The following NKAIN3 variants were observed in gnomAD, a reference collection of about 807,000 sequenced individuals.
NKAIN3 encodes the protein sodium/potassium transporting ATPase interacting 3.
NKAIN3 carries 25 observed loss-of-function variants against 30.2 expected under a neutral mutation model. That is an observed-to-expected ratio of 0.83 (90% CI 0.60 to 1.16). The LOEUF (loss-of-function observed/expected upper bound fraction) is 1.16, where lower values mean the gene tolerates loss of function less well. Ranked by LOEUF, NKAIN3 falls within the 50% of genes most tolerant of loss-of-function variation. NKAIN3 has a pLI of 0.00. For synonymous variants in NKAIN3, 91 were observed against 89.6 expected (o/e 1.02, Z -0.09); for missense variants, 225 against 254.1 (o/e 0.89, Z 0.78).
chr8:62,298,597 C>T (rs976263879), intron 1 of NKAIN3, among the ~76,000 whole-genome samples: 2 of 152,098 alleles, frequency 1.3e-5, no homozygotes, highest in Non-Finnish European at 2.9e-5. Flanking sequence ...TCCTAAGTCC[C>T]ATGTTCTTTC....
At chr8:62,856,471 G>A in intron 4 of NKAIN3, 1 of 784,690 alleles carries the variant, frequency 1.3e-6, no homozygotes. Context: ...AAAGCCCCCA[G>A]GTTTCTTCAG....
intron 1 of NKAIN3, among the ~76,000 whole-genome samples, chr8:62,275,576 C>T (rs1463019190): frequency 6.6e-6 from 1 of 151,954 alleles, no homozygotes; most frequent in Non-Finnish European, 1.5e-5. Flanking sequence ...GTTTAAAGAC[C>T]AGCTTTTATG....
chr8:62,253,094 G>A (rs922001817), intron 1 of NKAIN3, among the ~76,000 whole-genome samples: 2 of 152,158 alleles, frequency 1.3e-5, no homozygotes. Flanking sequence ...GTCTCAGGAT[G>A]TTATTATTAC....
At chr8:62,262,347 A>G (rs796610464) in intron 1 of NKAIN3, among the ~76,000 whole-genome samples, 1 of 152,290 alleles carries the variant, frequency 6.6e-6, no homozygotes, top group African/African-American at 2.4e-5. Context: ...CAGTTTTTGC[A>G]TGCTCTATTT....
chr8:62,878,506 G>GTTT (rs913962485), intron 4 of NKAIN3, among the ~76,000 whole-genome samples: 4 of 151,384 alleles, frequency 2.6e-5, no homozygotes, highest in East Asian at 1.9e-4. Flanking sequence ...CTGTTGTTGT[G>GTTT]TTTTTATTAT....
At chr8:62,870,681 C>CTA (rs1440446856) in intron 4 of NKAIN3, among the ~76,000 whole-genome samples, 4 of 113,346 alleles carry the variant, frequency 3.5e-5, no homozygotes, top group Non-Finnish European at 5.4e-5. Context: ...ATCTATATAT[C>CTA]TATATCTCTC....
At chr8:62,955,542 A>G (rs1199116046) in intron 6 of NKAIN3, among the ~76,000 whole-genome samples, 1 of 152,206 alleles carries the variant, frequency 6.6e-6, no homozygotes, top group Admixed American at 6.5e-5. Flanking sequence ...TGTGAAAAAA[A>G]AAACTCAGCA....
chr8:62,453,080 T>A (rs551974457), intron 1 of NKAIN3, among the ~76,000 whole-genome samples: 2 of 152,242 alleles, frequency 1.3e-5, no homozygotes, highest in Non-Finnish European at 2.9e-5. Context: ...TTTGTTTTAC[T>A]TGTAGTCTTT....
At chr8:62,596,404 T>C (rs535151713) in intron 3 of NKAIN3, among the ~76,000 whole-genome samples, 1 of 152,168 alleles carries the variant, frequency 6.6e-6, no homozygotes, top group Non-Finnish European at 1.5e-5. Flanking sequence ...CTGGTGACCC[T>C]GGCAGTGTAA....
chr8:62,797,072 G>A (rs1817885981), intron 4 of NKAIN3, among the ~76,000 whole-genome samples: 3 of 152,210 alleles, frequency 2.0e-5, no homozygotes. Context: ...TGTTTCTTCT[G>A]TATGTGACTT....
chr8:62,397,089 G>A (rs1473223584), intron 1 of NKAIN3, among the ~76,000 whole-genome samples: 1 of 152,136 alleles, frequency 6.6e-6, no homozygotes, highest in African/African-American at 2.4e-5. Flanking sequence ...CACAAAAGTG[G>A]TGTGTCTGTT....
chr8:62,569,212 G>A (rs941081719), intron 1 of NKAIN3, among the ~76,000 whole-genome samples: 8 of 152,136 alleles, frequency 5.3e-5, no homozygotes, highest in Non-Finnish European at 8.8e-5. Flanking sequence ...CAAGTCTCCA[G>A]GTTATTAGGA....
chr8:62,484,464 C>A (rs753240941), intron 1 of NKAIN3, among the ~76,000 whole-genome samples: 1 of 151,950 alleles, frequency 6.6e-6, no homozygotes, highest in Non-Finnish European at 1.5e-5. Context: ...GGGGCCTGTG[C>A]AGATCTTGGT....
At chr8:62,611,219 C>T (rs1336239466) in intron 3 of NKAIN3, among the ~76,000 whole-genome samples, 1 of 151,844 alleles carries the variant, frequency 6.6e-6, no homozygotes, top group Non-Finnish European at 1.5e-5. Context: ...TTATGGGGCA[C>T]ATTAGATTAT....
chr8:62,272,612 C>A (rs751306238), intron 1 of NKAIN3, among the ~76,000 whole-genome samples: 3 of 152,112 alleles, frequency 2.0e-5, no homozygotes. Flanking sequence ...AGAATAGAGA[C>A]CTGCCAGCTT....
chr8:62,823,128 G>A (rs543449677), intron 4 of NKAIN3, among the ~76,000 whole-genome samples: 27 of 152,222 alleles, frequency 1.8e-4, no homozygotes, highest in Admixed American at 3.9e-4. Flanking sequence ...AGGCCTGGGC[G>A]ATTACTATAT....
rs113486706 is a variant in NKAIN3 at position 62,329,984 on chromosome 8, A to G, written c.54+80857A>G. 7.9e-3 allele frequency among the ~76,000 whole-genome samples: 1,207 copies of G among 152,186 alleles called. 24 individuals are homozygous for G. The highest frequency in any genetic ancestry group is 0.028 in the African/African-American group (1,156 of 41,538). On this transcript the variant is annotated intron_variant, in intron 1 of 6. Transcript: ENST00000623646. ...TGATTTACCACTAAACCAAGGGTAG[A>G]TACCACGACAGCACCTAGATGCAGC... is the stretch of plus-strand genomic sequence containing the variant.
chr8:62,621,804 C>T (rs1694205059), intron 3 of NKAIN3, among the ~76,000 whole-genome samples: 1 of 151,996 alleles, frequency 6.6e-6, no homozygotes, highest in Admixed American at 6.6e-5. Flanking sequence ...AGATTTTCTC[C>T]TACTTTTTTC....
intron 5 of NKAIN3, among the ~76,000 whole-genome samples, chr8:62,936,869 A>G (rs1156741303): frequency 2.0e-5 from 3 of 152,120 alleles, no homozygotes; most frequent in Non-Finnish European, 4.4e-5. Context: ...TTATCTTTTC[A>G]TGAACAAAAG....
Sources: allele counts gnomAD v4.1 joint callset (sites outside exome capture counted in the v4.1 genomes callset), GRCh38; gene constraint gnomAD v4.1.1; transcripts MANE v1.5; gene names NCBI Gene and HGNC (gene_info 2026-07-23, HGNC 2026-07-21).